Variants in SOAT2 observed in about 807,000 individuals in gnomAD.
SOAT2 encodes the protein ACAT-2.
A neutral mutation model predicts 76.0 loss-of-function variants in SOAT2; 87 were observed. The observed-to-expected ratio is 1.14, with a 90% CI of 0.96 to 1.37. The LOEUF is 1.37. Among genes scored for constraint, SOAT2 ranks in the 40% most tolerant of loss-of-function variants. SOAT2 has a pLI of 0.00. For synonymous variants in SOAT2, 285 were observed against 275.4 expected (o/e 1.03, Z -0.34); for missense variants, 686 against 682.1 (o/e 1.01, Z -0.06).
intron 11 of SOAT2, 32 bp from the exon 12 acceptor site, chr12:53,121,271 C>T: frequency 1.3e-6 from 2 of 1,519,596 alleles, no homozygotes; most frequent in Non-Finnish European, 9.1e-7. Flanking sequence ...TTGCTTACCT[C>T]CTTTCCCCCA....
At chr12:53,104,912 C>T (rs1179496068) in intron 2 of SOAT2, among the ~76,000 whole-genome samples, 195 bp from the exon 3 acceptor site, 1 of 152,046 alleles carries the variant, frequency 6.6e-6, no homozygotes, top group Admixed American at 6.5e-5. Context: ...AGACCCATCA[C>T]CACCCCACCA....
chr12:53,114,972 T>C (rs1938079432), intron 5 of SOAT2, among the ~76,000 whole-genome samples: 1 of 152,198 alleles, frequency 6.6e-6, no homozygotes, highest in Non-Finnish European at 1.5e-5. Flanking sequence ...TAGGTTGTTT[T>C]CAGTTTTTCC....
At chr12:53,106,108 G>T in intron 5 of SOAT2, 94 bp downstream of exon 5, 1 of 804,374 alleles carries the variant, frequency 1.2e-6, no homozygotes, top group South Asian at 1.5e-5. Context: ...AGAGGACACA[G>T]GTTCCCCCTT....
chr12:53,105,588 G>T lies in SOAT2; in HGVS notation c.303G>T (p.Gln101His). The T allele has an allele frequency of 6.2e-7, 1 of 1,611,754 alleles. No homozygotes were observed. The highest frequency in any genetic ancestry group is 8.5e-7 in the Non-Finnish European group (1 of 1,178,762). ...SRTQEPSLGKQKVFIIRKSLL... is the reference protein window; with the variant it reads ...SRTQEPSLGKHKVFIIRKSLL... ...CCCAGGAGCCATCCCTGGGGAAACA[G>T]AAAGTTTTCATCATCCGCAAGTCCC... The change falls in exon 4 of 15, where the codon CAG (glutamine) becomes CAT (histidine). Residue 101 changes from glutamine to histidine, a missense_variant. Coordinates refer to ENST00000301466, the MANE Select transcript of SOAT2 (RefSeq NM_003578.4).
At chr12:53,118,227 T>C in intron 7 of SOAT2, 123 bp from the exon 8 acceptor site, 2 of 618,484 alleles carry the variant, frequency 3.2e-6, no homozygotes, top group Non-Finnish European at 5.9e-6. Context: ...GCTCCTTGCT[T>C]ATCCCCCACC....
At chr12:53,121,431 C>G (rs1304584785) in intron 12 of SOAT2, 30 bp downstream of exon 12, 1 of 1,542,762 alleles carries the variant, frequency 6.5e-7, no homozygotes, top group African/African-American at 1.4e-5. Flanking sequence ...CTTCAGCTCT[C>G]ACAGTTAATA....
chr12:53,124,040 A>G, intron 14 of SOAT2, 33 bp from the exon 15 acceptor site: 1 of 1,613,728 alleles, frequency 6.2e-7, no homozygotes, highest in Non-Finnish European at 8.5e-7. Flanking sequence ...ACCAGGAATG[A>G]TCTCATTCAC....
chr12:53,119,755 G>A (rs1938162257), intron 10 of SOAT2, among the ~76,000 whole-genome samples: 3 of 147,408 alleles, frequency 2.0e-5, no homozygotes, highest in Admixed American at 2.0e-4. Context: ...CTTCTTGGAG[G>A]CCCATGGTTG....
intron 12 of SOAT2, among the ~76,000 whole-genome samples, chr12:53,122,496 T>C (rs986981921): frequency 2.0e-5 from 3 of 150,008 alleles, no homozygotes; most frequent in African/African-American, 5.0e-5. Context: ...GCAGTGTTTG[T>C]GTCCCTGGGT....
At chr12:53,103,734 G>T in intron 1 of SOAT2, 75 bp downstream of exon 1, 1 of 1,172,284 alleles carries the variant, frequency 8.5e-7, no homozygotes, top group African/African-American at 1.5e-5. Flanking sequence ...ATGGAGAGAA[G>T]GCTCCAACTG....
At chr12:53,111,255 G>A (rs1336998570) in intron 5 of SOAT2, among the ~76,000 whole-genome samples, 2 of 151,924 alleles carry the variant, frequency 1.3e-5, no homozygotes, top group South Asian at 2.1e-4. Flanking sequence ...ACAGGCGCCC[G>A]CCACCACGCC....
At chr12:53,104,050 C>T in intron 1 of SOAT2, 101 bp from the exon 2 acceptor site, 1 of 977,382 alleles carries the variant, frequency 1.0e-6, no homozygotes, top group Non-Finnish European at 1.7e-6. Context: ...GGGGTGAGGG[C>T]AGCTGCTGAG....
intron 1 of SOAT2, 127 bp from the exon 2 acceptor site, chr12:53,104,024 T>C: frequency 1.2e-6 from 1 of 835,750 alleles, no homozygotes; most frequent in Admixed American, 1.8e-5. Flanking sequence ...ACCATGATAC[T>C]AGATATTGGC....
intron 6 of SOAT2, 77 bp from the exon 7 acceptor site, chr12:53,116,020 A>G: frequency 1.6e-6 from 2 of 1,271,126 alleles, no homozygotes; most frequent in Non-Finnish European, 2.3e-6. Flanking sequence ...TCTCAGAGGT[A>G]ACCCAGAGCA....
intron 2 of SOAT2, 79 bp downstream of exon 2, chr12:53,104,285 A>T: frequency 5.1e-5 from 41 of 803,936 alleles, no homozygotes; most frequent in Non-Finnish European, 7.2e-5. Context: ...GGTGATAAAG[A>T]TGACTTTTTT....
intron 10 of SOAT2, 46 bp from the exon 11 acceptor site, chr12:53,120,740 C>A: frequency 1.4e-6 from 2 of 1,392,922 alleles, no homozygotes; most frequent in South Asian, 2.3e-5. Context: ...GCCTGTGGGT[C>A]CATGTGGGCC....
chr12:53,118,643 G>T (rs1488469999), intron 8 of SOAT2, among the ~76,000 whole-genome samples: 3 of 152,004 alleles, frequency 2.0e-5, no homozygotes, highest in Non-Finnish European at 2.9e-5. Context: ...CACTTTCCTG[G>T]TTTACCCAGG....
chr12:53,123,026 C>G, intron 12 of SOAT2, 55 bp from the exon 13 acceptor site: 1 of 1,512,156 alleles, frequency 6.6e-7, no homozygotes, highest in South Asian at 1.3e-5. Context: ...GGTGGGGGCT[C>G]TTTGTGGAGG....
rs200266354 is a variant in SOAT2, at chr12:53,104,205, A to C, written c.137A>C (p.Glu46Ala). The C allele has an allele frequency of 2.2e-4, 351 of 1,599,044 alleles. 1 individual carries two copies. In the Middle Eastern group the frequency reaches 2.3e-3, roughly 11 times the overall value. Residue 46 changes from glutamate (E) to alanine (A), a missense_variant and splice_region_variant, in exon 2 of 15, where the codon GAG (glutamate) becomes GCG (alanine). Transcript: ENST00000301466. ...PDLVQWTRHM[E>A]AVKAQLLEQA... ...TTGGTACAATGGACCCGACACATGG[A>C]GGTGAGGGATGTCAGAGGTCAGAGG...
Sources: gnomAD v4.1 joint callset for allele counts (sites outside exome capture counted in the v4.1 genomes callset) on GRCh38, gnomAD v4.1.1 for gene constraint, MANE v1.5 for transcripts, NCBI Gene and HGNC (gene_info 2026-07-23, HGNC 2026-07-21) for gene names.